Variants in LYPD5 observed in about 807,000 individuals in gnomAD.
LYPD5 encodes ly6/PLAUR domain-containing protein 5.
Under a neutral mutation model 19.1 loss-of-function variants are expected in LYPD5, and 21 were observed. The ratio of observed to expected loss-of-function variants is 1.10; its 90% CI spans 0.78 to 1.58. The LOEUF (loss-of-function observed/expected upper bound fraction) is 1.58, where lower values mean the gene tolerates loss of function less well. Ranked by LOEUF, LYPD5 falls within the 40% of genes most tolerant of loss-of-function variation. The probability of loss-of-function intolerance (pLI) is 0.00; values close to 1 mark genes in which losing one functional copy is unlikely to be tolerated. For synonymous variants in LYPD5, 128 were observed against 142.7 expected (o/e 0.90, Z 0.74); for missense variants, 287 against 329.8 (o/e 0.87, Z 1.00).
intron 1 of LYPD5, among the ~76,000 whole-genome samples, chr19:43,818,043 A>C (rs1248806097): frequency 6.6e-6 from 1 of 152,194 alleles, no homozygotes; most frequent in Non-Finnish European, 1.5e-5. Flanking sequence ...CAAGTTAGGA[A>C]GCCACTATAA....
chr19:43,805,381 C>A (rs1175678143), upstream of LYPD5, among the ~76,000 whole-genome samples: 2 of 152,182 alleles, frequency 1.3e-5, no homozygotes, highest in Non-Finnish European at 2.9e-5. Flanking sequence ...TGCTTCCAGT[C>A]CTCATGTTCT....
rs1568406460 is a variant in LYPD5 at position 43,811,767 on chromosome 19, A to AGGG, written c.-66+8772_-66+8773insCCC. On this transcript the variant is annotated intron_variant, in intron 1 of 4. Transcript: ENST00000414615. ...GAAGGAAGGGAGGGAGGGAGGGAGGAAGGCAGGCAGGAAGACTCATTGATC... is the reference window on the plus strand; with the variant it reads ...GAAGGAAGGGAGGGAGGGAGGGAGGAGGGAGGCAGGCAGGAAGACTCATTGATC... Among the ~76,000 whole-genome samples the AGGG allele has an allele frequency of 6.6e-3, 838 of 126,348 alleles. 17 individuals are homozygous for AGGG. Among genetic ancestry groups the AGGG allele is most frequent in the African/African-American group, 0.023 (766 of 32,812 alleles). The allele number at this position is 126,348 out of a possible 152,430, so 82.9% of individuals were successfully genotyped here. A position where few individuals can be genotyped will look rare whatever the true frequency, so the allele number is the denominator to read the frequency against.
At chr19:43,807,262 C>CTTTCT (rs148332176), upstream of LYPD5, among the ~76,000 whole-genome samples, 17 of 123,426 alleles carry the variant, frequency 1.4e-4, no homozygotes, top group African/African-American at 2.5e-4. Flanking sequence ...ACCTCATTTT[C>CTTTCT]TTTCTTTTCT....
At chr19:43,802,469 C>G (rs1326481801), upstream of LYPD5, 48 of 1,208,782 alleles carry the variant, frequency 4.0e-5, no homozygotes, top group Middle Eastern at 1.9e-4. Flanking sequence ...ATCCCGGCCA[C>G]CCAGCCTGGC....
Position 43,797,405 on chromosome 19 carries a change from CTG to C in LYPD5, c.*184_*185del, listed in dbSNP as rs1970147135. 5 of 584,564 alleles carry C rather than the reference CTG, an allele frequency of 8.6e-6. No individual in the cohort carries two copies. The highest frequency in any genetic ancestry group is 1.5e-5 in the Non-Finnish European group (5 of 332,984). The allele number at this position is 584,564 out of a possible 1,614,324, so 36.2% of individuals were successfully genotyped here. A position where few individuals can be genotyped will look rare whatever the true frequency, so the allele number is the denominator to read the frequency against. ...TTGCCCTCCCCGGGGATGCTGGTGA[CTG>C]TGTCCAGTTTCTTCCAGTACTGTTG... On this transcript the variant is annotated 3_prime_UTR_variant, in exon 5 of 5. Transcript: ENST00000377950.
Position 43,797,588 on chromosome 19 carries a change from G to A in LYPD5, c.*3C>T, listed in dbSNP as rs759276197. Reference sequence around the variant, plus strand: ...CCTGTCCCCAGCATCCTGGAGGGGCGGTCTATGCTGAGAGCCCCACCAGCA... The same window carrying A: ...CCTGTCCCCAGCATCCTGGAGGGGCAGTCTATGCTGAGAGCCCCACCAGCA... On this transcript the variant is annotated 3_prime_UTR_variant, in exon 5 of 5. Coordinates refer to ENST00000377950, the MANE Select transcript of LYPD5 (RefSeq NM_001031749.3). 33 of 1,588,716 alleles carry A rather than the reference G, an allele frequency of 2.1e-5. No homozygotes were observed. The highest frequency in any genetic ancestry group is 3.4e-5 in the South Asian group (3 of 88,436).
rs1970150063 is a variant in LYPD5 at position 43,797,612 on chromosome 19, C to T, written c.735G>A (p.Leu245=). 6.2e-7 allele frequency: 1 copy of T among 1,607,114 alleles called. No individual in the cohort carries two copies. Among genetic ancestry groups the T allele is most frequent in the Non-Finnish European group, 8.5e-7 (1 of 1,175,408 alleles). Residue 245 remains leucine, a synonymous_variant, in exon 5 of 5, where the codon CTG becomes CTA. Transcript: ENST00000377950. Reference sequence around the variant, plus strand: ...CGGTCTATGCTGAGAGCCCCACCAGCAGGAGGACTGGGAGGAGCAGGGCCA... The same window carrying T: ...CGGTCTATGCTGAGAGCCCCACCAGTAGGAGGACTGGGAGGAGCAGGGCCA... ...QVLALLLPVL[L]LVGLSA is the part of the protein sequence containing the mutation.
chr19:43,807,572 G>A (rs1599696582), intron 1 of LYPD5, among the ~76,000 whole-genome samples: 2 of 152,226 alleles, frequency 1.3e-5, no homozygotes, highest in East Asian at 1.9e-4. Context: ...GTGAGCCACC[G>A]CGCCTGGCCC....
chr19:43,812,365 CT>C (rs1970332716), intron 1 of LYPD5, among the ~76,000 whole-genome samples: 2 of 141,894 alleles, frequency 1.4e-5, no homozygotes. Context: ...ATCTATCTAT[CT>C]ATCTATCTAT....
At chr19:43,809,717 T>A (rs1970303712) in intron 1 of LYPD5, among the ~76,000 whole-genome samples, 1 of 152,194 alleles carries the variant, frequency 6.6e-6, no homozygotes, top group Non-Finnish European at 1.5e-5. Context: ...AAACATAGAA[T>A]TCAACAATTC....
At chr19:43,814,081 C>G (rs2146507086) in intron 1 of LYPD5, among the ~76,000 whole-genome samples, 1 of 152,320 alleles carries the variant, frequency 6.6e-6, no homozygotes, top group Non-Finnish European at 1.5e-5. Context: ...TCTTCCTAGA[C>G]CTACTTGCCC....
intron 1 of LYPD5, among the ~76,000 whole-genome samples, chr19:43,817,778 G>A (rs545367602): frequency 1.1e-4 from 17 of 151,306 alleles, no homozygotes; most frequent in South Asian, 2.1e-4. Flanking sequence ...GTGCAGTGGC[G>A]CCATCTCAGC....
upstream of LYPD5, among the ~76,000 whole-genome samples, chr19:43,803,135 G>A (rs1783831589): frequency 6.6e-6 from 1 of 152,192 alleles, no homozygotes; most frequent in African/African-American, 2.4e-5. Flanking sequence ...GACACAGCCT[G>A]CTGTGAACAG....
chr19:43,810,253 C>A (rs547788133), intron 1 of LYPD5, among the ~76,000 whole-genome samples: 2 of 151,994 alleles, frequency 1.3e-5, no homozygotes, highest in Admixed American at 6.5e-5. Context: ...CTTTTTCTTG[C>A]CTTATTGTAT....
chr19:43,808,263 G>A (rs1345594561), intron 1 of LYPD5, among the ~76,000 whole-genome samples: 4 of 151,982 alleles, frequency 2.6e-5, no homozygotes, highest in South Asian at 2.1e-4. Flanking sequence ...CTGCCACCAC[G>A]CCTGGCTAAT....
chr19:43,806,132 C>T (rs537604720), upstream of LYPD5, among the ~76,000 whole-genome samples: 49 of 152,218 alleles, frequency 3.2e-4, no homozygotes, highest in African/African-American at 1.1e-3. Context: ...AGGAGGTGAG[C>T]GGTGGGTGAG....
intron 1 of LYPD5, among the ~76,000 whole-genome samples, chr19:43,812,404 C>A (rs1376927949): frequency 6.6e-6 from 1 of 151,674 alleles, no homozygotes; most frequent in Non-Finnish European, 1.5e-5. Flanking sequence ...ATCCATCCAT[C>A]CAGCTATCTA....
chr19:43,810,312 A>G (rs1323738887), intron 1 of LYPD5, among the ~76,000 whole-genome samples: 1 of 152,026 alleles, frequency 6.6e-6, no homozygotes, highest in East Asian at 1.9e-4. Flanking sequence ...GAGAGTAAAC[A>G]TGCTTGTCTT....
chr19:43,810,556 TTCCCCTCCCC>T (rs1310020565), intron 1 of LYPD5, among the ~76,000 whole-genome samples: 71 of 25,782 alleles, frequency 2.8e-3, no homozygotes, highest in African/African-American at 7.9e-3. Context: ...CTCCCCTCCC[TTCCCCTCCCC>T]TCCCCTCCCC....
Sources: allele counts gnomAD v4.1 joint callset (sites outside exome capture counted in the v4.1 genomes callset), GRCh38; gene constraint gnomAD v4.1.1; transcripts MANE v1.5; gene names NCBI Gene and HGNC (gene_info 2026-07-23, HGNC 2026-07-21).